The following DMD variants were observed in gnomAD, a reference collection of about 807,000 sequenced individuals.
DMD encodes dystrophin.
A neutral mutation model predicts 330.1 loss-of-function variants in DMD; 63 were observed. The observed-to-expected ratio is 0.19, with a 90% confidence interval of 0.16 to 0.24. The LOEUF (loss-of-function observed/expected upper bound fraction) is 0.24. DMD is among the 10% of genes least tolerant of loss of function. The pLI is 1.00. For missense variants in DMD, 3,344 were observed against 2,684.1 expected, an observed-to-expected ratio of 1.25 and a Z score of -5.43; for synonymous variants, 1,223 against 959.8, an observed-to-expected ratio of 1.27 and a Z score of -5.07.
intron 12 of DMD, among the ~76,000 whole-genome samples, chrX:32,607,172 A>C (rs1380678298): frequency 9.1e-6 from 1 of 110,424 alleles, no homozygotes; most frequent in Non-Finnish European, 1.9e-5. Flanking sequence ...TTATTACTAG[A>C]GTTAAATGAG....
intron 44 of DMD, among the ~76,000 whole-genome samples, chrX:32,048,497 T>C (rs923769698): frequency 2.7e-5 from 3 of 109,849 alleles, no homozygotes; most frequent in Non-Finnish European, 5.7e-5. Context: ...TTTCTTTAGA[T>C]AGTAGCATGT....
chrX:31,341,891 G>GCGCGCACACACACACACA (rs374298104), intron 61 of DMD, among the ~76,000 whole-genome samples: 1 of 98,876 alleles, frequency 1.0e-5, no homozygotes, highest in African/African-American at 3.7e-5. Context: ...GTGCGCGCGC[G>GCGCGCACACACACACACA]CACACACACA....
chrX:32,288,926 G>A (rs1162161791), intron 42 of DMD, among the ~76,000 whole-genome samples: 1 of 111,431 alleles, frequency 9.0e-6, no homozygotes. Flanking sequence ...CACCTCAGAA[G>A]AAACAAGAAG....
chrX:32,593,985 T>C (rs960024178), intron 13 of DMD, among the ~76,000 whole-genome samples: 19 of 112,169 alleles, frequency 1.7e-4, no homozygotes, highest in African/African-American at 5.5e-4. Flanking sequence ...CTTTTCAGAA[T>C]ATTACACTTC....
In DMD at chrX:31,798,865, T is replaced by C. The variant is rs751056398; in HGVS notation, c.7309+21110A>G. On this transcript the variant is annotated intron_variant, in intron 50 of 78. Coordinates refer to ENST00000357033, the MANE Select transcript of DMD (RefSeq NM_004006.3). ...TGAAAAACTAGCCCTTAGCTCATTA[T>C]GAAGGTTTGGATGAGACTTTTTATC... Among the ~76,000 whole-genome samples the C allele has an allele frequency of 2.7e-5, 3 of 112,366 alleles. No individual in the cohort carries two copies. The East Asian group carries it at 8.5e-4, about 32-fold the overall frequency.
intron 62 of DMD, among the ~76,000 whole-genome samples, chrX:31,323,328 G>C (rs2056555259): frequency 9.0e-6 from 1 of 111,721 alleles, no homozygotes; most frequent in Non-Finnish European, 1.9e-5. Context: ...TGGAGCTTTT[G>C]GTTCTATTGT....
chrX:32,760,684 T>A (rs1000069433), intron 7 of DMD, among the ~76,000 whole-genome samples: 2 of 111,864 alleles, frequency 1.8e-5, no homozygotes, highest in Non-Finnish European at 3.8e-5. Context: ...CATATTCAGG[T>A]TTACTTGCAA....
At chrX:32,562,209 C>A (rs945251318) in intron 16 of DMD, among the ~76,000 whole-genome samples, 1 of 111,949 alleles carries the variant, frequency 8.9e-6, no homozygotes, top group Non-Finnish European at 1.9e-5. Flanking sequence ...TATTATCTCT[C>A]CAACATTTAG....
intron 62 of DMD, among the ~76,000 whole-genome samples, chrX:31,281,024 T>C (rs368514799): frequency 9.0e-6 from 1 of 111,501 alleles, no homozygotes; most frequent in East Asian, 2.8e-4. Flanking sequence ...ATTCTCAGAA[T>C]AAAACAGGAA....
At chrX:32,684,327 G>A (rs1407486208) in intron 9 of DMD, among the ~76,000 whole-genome samples, 1 of 111,229 alleles carries the variant, frequency 9.0e-6, no homozygotes, top group East Asian at 2.8e-4. Context: ...TATCTTTACA[G>A]CATGGTATTA....
chrX:31,206,045 A>C (rs1258400952), intron 66 of DMD, among the ~76,000 whole-genome samples: 1 of 112,589 alleles, frequency 8.9e-6, no homozygotes, highest in Non-Finnish European at 1.9e-5. Context: ...ATCAAAAGGA[A>C]ATTCTGTAGG....
intron 5 of DMD, among the ~76,000 whole-genome samples, chrX:32,820,304 T>C (rs1215954713): frequency 9.0e-6 from 1 of 110,498 alleles, no homozygotes; most frequent in East Asian, 2.9e-4. Context: ...TAGCCGGGCG[T>C]GGTGGCGGGC....
chrX:32,355,276 T>C, intron 37 of DMD, among the ~76,000 whole-genome samples: 1 of 111,048 alleles, frequency 9.0e-6, no homozygotes, highest in Non-Finnish European at 1.9e-5. Flanking sequence ...TGTATTGAAG[T>C]GGACAAAGCA....
At chrX:32,560,186 GAAA>G (rs58266350) in intron 16 of DMD, among the ~76,000 whole-genome samples, 3 of 100,726 alleles carry the variant, frequency 3.0e-5, no homozygotes, top group African/African-American at 1.1e-4. Context: ...AGACTCGCTT[GAAA>G]AAAAAAATAT....
At chrX:31,766,344 T>G (rs1044559584) in intron 51 of DMD, among the ~76,000 whole-genome samples, 6 of 110,456 alleles carry the variant, frequency 5.4e-5, no homozygotes, top group Admixed American at 3.8e-4. Flanking sequence ...CTGCAACATC[T>G]GCCTCCCGGG....
chrX:32,404,167 C>A (rs1353943835), intron 30 of DMD, among the ~76,000 whole-genome samples: 1 of 111,835 alleles, frequency 8.9e-6, no homozygotes, highest in Non-Finnish European at 1.9e-5. Flanking sequence ...GGGAAGATTG[C>A]AATTACGAAT....
intron 63 of DMD, among the ~76,000 whole-genome samples, chrX:31,245,974 T>C (rs779156161): frequency 1.8e-5 from 2 of 112,069 alleles, no homozygotes; most frequent in East Asian, 5.6e-4. Flanking sequence ...TGATTGAGCT[T>C]AGTGAGGAAA....
chrX:33,334,586 G>T (rs2054225000), intron 1 of DMD, among the ~76,000 whole-genome samples: 1 of 110,583 alleles, frequency 9.0e-6, no homozygotes, highest in Admixed American at 9.7e-5. Flanking sequence ...ATAAACTATA[G>T]ACTCTTAAAT....
At chrX:32,541,052 G>A (rs16998325) in intron 17 of DMD, among the ~76,000 whole-genome samples, 1,375 of 111,208 alleles carry the variant, frequency 0.012, 27 homozygotes, top group African/African-American at 0.043. Context: ...ATGAAATGAC[G>A]GAAATGATGG....
Sources: gnomAD v4.1 joint callset for allele counts (sites outside exome capture counted in the v4.1 genomes callset) on GRCh38, gnomAD v4.1.1 for gene constraint, MANE v1.5 for transcripts, NCBI Gene and HGNC (gene_info 2026-07-23, HGNC 2026-07-21) for gene names.